The following UGT2A1 variants were observed in gnomAD, a reference collection of about 807,000 sequenced individuals.
The protein encoded by UGT2A1 is UDP glucuronosyltransferase family 2 member A1 complex locus, also known as UDP-glucuronosyltransferase 2A1.
Under a neutral mutation model 45.4 loss-of-function variants are expected in UGT2A1, and 61 were observed. The ratio of observed to expected loss-of-function variants is 1.34; its 90% CI spans 1.09 to 1.66. The LOEUF is 1.66. Ranked by LOEUF, UGT2A1 falls within the 40% of genes most tolerant of loss-of-function variation. The pLI, the probability that UGT2A1 is intolerant of heterozygous loss-of-function variation, is 0.00. For synonymous variants in UGT2A1, 229 were observed against 196.2 expected (o/e 1.17, Z -1.40); for missense variants, 649 against 574.3 (o/e 1.13, Z -1.33).
intron 3 of UGT2A1, among the ~76,000 whole-genome samples, chr4:69,607,123 C>A (rs1159256796): frequency 9.2e-6 from 1 of 108,456 alleles, no homozygotes; most frequent in Non-Finnish European, 2.2e-5. Flanking sequence ...CAATCCTAAG[C>A]CAAAAGAACA....
At chr4:69,600,118 A>T (rs1438624517) in intron 3 of UGT2A1, among the ~76,000 whole-genome samples, 1 of 152,192 alleles carries the variant, frequency 6.6e-6, no homozygotes, top group African/African-American at 2.4e-5. Flanking sequence ...GAGCCAGGTG[A>T]AAAACCATGA....
intron 3 of UGT2A1, among the ~76,000 whole-genome samples, chr4:69,610,484 T>C (rs1462382617): frequency 6.6e-6 from 1 of 152,170 alleles, no homozygotes; most frequent in African/African-American, 2.4e-5. Context: ...TATGAACCAA[T>C]TAATATTATG....
intron 4 of UGT2A1, among the ~76,000 whole-genome samples, chr4:69,598,369 T>C (rs1015408124): frequency 1.3e-5 from 2 of 152,168 alleles, no homozygotes; most frequent in African/African-American, 4.8e-5. Flanking sequence ...ACATTGTTCC[T>C]ACCATGTGTA....
rs1191066354 is a variant in UGT2A1, at chr4:69,588,722, A to G, written c.*650T>C. The G allele has an allele frequency of 1.6e-4, 25 of 152,096 alleles. No homozygotes were observed. The allele number at this position is 152,096 out of a possible 1,614,324, so 9.4% of individuals were successfully genotyped here. ...ACCCAAATCTTCCACTACAGGTTAT[A>G]TAAGAATATATGTTGAAGAAAGGCA... On this transcript the variant is annotated 3_prime_UTR_variant, in exon 7 of 7. Transcript: ENST00000286604.
chr4:69,612,163 T>C (rs1202459145), intron 3 of UGT2A1, among the ~76,000 whole-genome samples: 2 of 151,860 alleles, frequency 1.3e-5, no homozygotes, highest in Admixed American at 6.6e-5. Flanking sequence ...CAAGACTTCA[T>C]GTATGAAAAT....
chr4:69,604,443 C>G (rs1230710317), intron 3 of UGT2A1, among the ~76,000 whole-genome samples: 1 of 136,788 alleles, frequency 7.3e-6, no homozygotes, highest in South Asian at 2.4e-4. Flanking sequence ...AAAGGAACAA[C>G]CAGTACCAGC....
At chr4:69,595,373 T>G in intron 4 of UGT2A1, 124 bp from the exon 5 acceptor site, 2 of 1,133,994 alleles carry the variant, frequency 1.8e-6, no homozygotes. Flanking sequence ...AGCAGTAGTT[T>G]ACAAACGTTG....
intron 2 of UGT2A1, chr4:69,639,302 T>C: frequency 6.2e-7 from 1 of 1,613,730 alleles, no homozygotes; most frequent in Non-Finnish European, 8.5e-7. Context: ...AGAAAGCCCA[T>C]ATTGTGAGAG....
chr4:69,647,579 A>T lies in UGT2A1; in HGVS notation c.66T>A (p.Asn22Lys), dbSNP rs944791085. ...TACCTTCCATTGGCCAAATCAAAAC[A>T]TTCCCACCAAGAGTGGTTCCTATGA... ...ISLIGTTLGG[N>K]VLIWPMEGSH... is the part of the protein sequence containing the mutation. The change falls in exon 2 of 7, where the codon AAT becomes AAA. Residue 22 changes from asparagine (N) to lysine (K), a missense_variant. Physicochemically the swap from Asn to Lys is moderately conservative, Grantham distance 94 (BLOSUM62 0). Coordinates refer to ENST00000286604, the MANE Select transcript of UGT2A1 (RefSeq NM_001252275.3). 6.2e-7 allele frequency: 1 copy of T among 1,610,824 alleles called. No homozygotes were observed. Among genetic ancestry groups the T allele is most frequent in the African/African-American group, 1.3e-5 (1 of 74,908 alleles).
intron 3 of UGT2A1, among the ~76,000 whole-genome samples, chr4:69,605,802 C>A (rs185967861): frequency 0.018 from 2,419 of 137,026 alleles, 619 homozygotes; most frequent in African/African-American, 0.068. Flanking sequence ...CACCTCTACA[C>A]AAATAAACTA....
At chr4:69,593,556 A>G (rs552056725) in intron 6 of UGT2A1, among the ~76,000 whole-genome samples, 1 of 149,568 alleles carries the variant, frequency 6.7e-6, no homozygotes, top group East Asian at 1.9e-4. Context: ...CTATATATAT[A>G]GACTTATATA....
chr4:69,652,317 CTTG>C (rs1170315953), intron 1 of UGT2A1, among the ~76,000 whole-genome samples: 1 of 101,824 alleles, frequency 9.8e-6, no homozygotes, highest in Non-Finnish European at 1.9e-5. Context: ...AAGTTTTGCT[CTTG>C]TTGTCCAAGC....
At chr4:69,652,377 G>A (rs1221123025) in intron 1 of UGT2A1, among the ~76,000 whole-genome samples, 4 of 142,450 alleles carry the variant, frequency 2.8e-5, no homozygotes, top group African/African-American at 5.3e-5. Context: ...TCCATTTCCC[G>A]GGTTCAAGCT....
rs75950034 is a variant in UGT2A1, at chr4:69,635,443, C to T, written c.847+248G>A. Among the ~76,000 whole-genome samples the T allele has an allele frequency of 2.4e-3, 358 of 152,314 alleles. 5 individuals are homozygous for T. The highest frequency in any genetic ancestry group is 0.022 in the East Asian group (113 of 5,184). On this transcript the variant is annotated intron_variant, in intron 3 of 6. Transcript: ENST00000286604. ...TTCACTACAGTGTTCAAGGGCTTAA[C>T]CTTTCTATTGCTGCAGCAAAGGCTA... is the stretch of plus-strand genomic sequence containing the variant.
intron 3 of UGT2A1, among the ~76,000 whole-genome samples, chr4:69,616,834 T>TA (rs1553905498): frequency 7.3e-4 from 9 of 12,250 alleles, no homozygotes; most frequent in African/African-American, 2.6e-3. Context: ...TTTTCTTTTC[T>TA]TTTTTTTTTT....
intron 2 of UGT2A1, among the ~76,000 whole-genome samples, chr4:69,636,814 A>T (rs555202881): frequency 1.9e-4 from 29 of 152,268 alleles, no homozygotes; most frequent in Non-Finnish European, 3.5e-4. Context: ...ATATCATATG[A>T]TCCTCCTAAC....
At chr4:69,602,782 G>A (rs1719371604) in intron 3 of UGT2A1, among the ~76,000 whole-genome samples, 1 of 137,288 alleles carries the variant, frequency 7.3e-6, no homozygotes, top group African/African-American at 2.9e-5. Flanking sequence ...TCACAGATAA[G>A]AAGATCAAAA....
rs570339318 is a variant in UGT2A1, at chr4:69,594,380, G to A, written c.1304+97C>T. On this transcript the variant is annotated intron_variant, in intron 6 of 6. Transcript: ENST00000286604. ...TATTGGTCAGGTTATGGTTGTTATTGGAAAATAATTACAAAAGTATAAAAG... is the reference window on the plus strand; with the variant it reads ...TATTGGTCAGGTTATGGTTGTTATTAGAAAATAATTACAAAAGTATAAAAG... 6 of 1,458,548 alleles carry A rather than the reference G, an allele frequency of 4.1e-6. No homozygotes were observed. In the African/African-American group the frequency reaches 8.6e-5, roughly 21 times the overall value. 90.4% of individuals were successfully genotyped at this position (1,458,548 alleles called of 1,614,324 possible).
At chr4:69,608,536 T>A (rs1577963359) in intron 3 of UGT2A1, among the ~76,000 whole-genome samples, 1 of 151,038 alleles carries the variant, frequency 6.6e-6, no homozygotes, top group African/African-American at 2.4e-5. Flanking sequence ...GCACGTTGTG[T>A]ACATGTACCC....
Sources: gnomAD v4.1 joint callset for allele counts (sites outside exome capture counted in the v4.1 genomes callset) on GRCh38, gnomAD v4.1.1 for gene constraint, MANE v1.5 for transcripts, NCBI Gene and HGNC (gene_info 2026-07-23, HGNC 2026-07-21) for gene names.